The following GRM8 variants were observed in gnomAD, a reference collection of about 807,000 sequenced individuals.
GRM8 encodes the protein glutamate metabotropic receptor 8.
GRM8 carries 47 observed loss-of-function variants against 87.2 expected under a neutral mutation model. The ratio of observed to expected loss-of-function variants is 0.54; its 90% confidence interval spans 0.43 to 0.69. GRM8 has a LOEUF of 0.69. Ranked by LOEUF, GRM8 falls within the 30% of genes least tolerant of loss-of-function variation. The pLI, the probability that GRM8 is intolerant of heterozygous loss-of-function variation, is 0.00. For missense variants in GRM8, 1,019 were observed against 1,139.2 expected (o/e 0.89, Z 1.52); for synonymous variants, 396 against 404.5 (o/e 0.98, Z 0.25).
intron 3 of GRM8, among the ~76,000 whole-genome samples, chr7:126,980,661 C>T (rs1327665665): frequency 6.6e-6 from 1 of 152,160 alleles, no homozygotes; most frequent in African/African-American, 2.4e-5. Flanking sequence ...ACTAGGCATT[C>T]GCCCTTGGAA....
At chr7:126,998,223 A>G (rs1446212727) in intron 3 of GRM8, among the ~76,000 whole-genome samples, 4 of 151,950 alleles carry the variant, frequency 2.6e-5, no homozygotes, top group Admixed American at 2.0e-4. Flanking sequence ...TCTTCTTATG[A>G]TTAAAACCCT....
chr7:126,544,894 A>G (rs1252658333), intron 8 of GRM8, among the ~76,000 whole-genome samples: 1 of 152,176 alleles, frequency 6.6e-6, no homozygotes, highest in Admixed American at 6.5e-5. Context: ...TGGAGAAAAG[A>G]TATCCACGCT....
intron 3 of GRM8, among the ~76,000 whole-genome samples, chr7:126,937,738 C>G (rs1806485694): frequency 6.6e-6 from 1 of 152,214 alleles, no homozygotes; most frequent in Non-Finnish European, 1.5e-5. Context: ...TTTTCCCTTT[C>G]CAAGTAGGGA....
chr7:126,862,825 G>A (rs1159159112), intron 6 of GRM8, among the ~76,000 whole-genome samples: 1 of 151,346 alleles, frequency 6.6e-6, no homozygotes, highest in Non-Finnish European at 1.5e-5. Flanking sequence ...TTCTCATATT[G>A]CCTGTATGTG....
intron 8 of GRM8, among the ~76,000 whole-genome samples, chr7:126,587,917 A>G (rs908714781): frequency 1.3e-5 from 2 of 152,010 alleles, no homozygotes; most frequent in African/African-American, 2.4e-5. Context: ...ATTAAAAAAA[A>G]AAAAAGAAAA....
intron 8 of GRM8, among the ~76,000 whole-genome samples, chr7:126,601,141 C>G (rs1387437802): frequency 6.8e-6 from 1 of 147,828 alleles, no homozygotes; most frequent in Non-Finnish European, 1.5e-5. Flanking sequence ...TCCATGTGAT[C>G]TCATTGTTCA....
In GRM8 at chr7:126,591,964, C is replaced by T. The variant is rs79082621; in HGVS notation, c.1494+17398G>A. Among the ~76,000 whole-genome samples, 651 of 151,566 alleles carry T rather than the reference C, an allele frequency of 4.3e-3. 1 individual carries two copies. The highest frequency in any genetic ancestry group is 6.0e-3 in the Non-Finnish European group (407 of 67,694). ...AGAAACACAAAAGATTGTGAGGGTA[C>T]AATGAACAATTACGTGCAAACAAAT... On this transcript the variant is annotated intron_variant, in intron 8 of 10. Coordinates refer to ENST00000339582, the MANE Select transcript of GRM8 (RefSeq NM_000845.3).
intron 3 of GRM8, among the ~76,000 whole-genome samples, chr7:127,052,547 A>G (rs2132504656): frequency 6.6e-6 from 1 of 152,358 alleles, no homozygotes. Flanking sequence ...GCAGTGTAGG[A>G]TTTAGAAAAT....
At chr7:127,016,717 A>G (rs751480519) in intron 3 of GRM8, among the ~76,000 whole-genome samples, 1 of 152,082 alleles carries the variant, frequency 6.6e-6, no homozygotes, top group Non-Finnish European at 1.5e-5. Flanking sequence ...TGTTCTCTCA[A>G]TTTCTGAAAT....
intron 3 of GRM8, among the ~76,000 whole-genome samples, chr7:126,922,890 C>G (rs1257630510): frequency 6.6e-6 from 1 of 152,224 alleles, no homozygotes; most frequent in Non-Finnish European, 1.5e-5. Flanking sequence ...CCTGTTCCCA[C>G]TTTGCCTTCT....
At chr7:126,683,758 G>A (rs1807872389) in intron 7 of GRM8, among the ~76,000 whole-genome samples, 1 of 152,126 alleles carries the variant, frequency 6.6e-6, no homozygotes. Context: ...GAAATTGATT[G>A]CTTTTGTTGG....
chr7:126,909,738 TCTCATTTACTCAATGACA>T (rs1803096989), intron 3 of GRM8, among the ~76,000 whole-genome samples: 1 of 152,168 alleles, frequency 6.6e-6, no homozygotes, highest in Non-Finnish European at 1.5e-5. Context: ...TCCTTTCCAG[TCTCATTTACTCAATGACA>T]CCATCTCTAT....
chr7:126,471,574 T>C (rs1180310378), intron 9 of GRM8, among the ~76,000 whole-genome samples: 4 of 151,918 alleles, frequency 2.6e-5, no homozygotes, highest in Non-Finnish European at 4.4e-5. Flanking sequence ...ACCAGTACCA[T>C]GCTTCTTTGG....
chr7:127,152,416 G>T (rs2237797), intron 2 of GRM8, among the ~76,000 whole-genome samples: 101,411 of 151,904 alleles, frequency 0.67, 34,853 homozygotes, highest in African/African-American at 0.76. Context: ...GTAGCAAAGT[G>T]AGAAAGAAAT....
chr7:126,695,845 A>G (rs1241277781), intron 7 of GRM8, among the ~76,000 whole-genome samples: 2 of 152,340 alleles, frequency 1.3e-5, no homozygotes, highest in East Asian at 1.9e-4. Context: ...ACATTAGCAC[A>G]AAAGAATAGT....
chr7:127,205,808 T>C (rs1217590553), intron 2 of GRM8, among the ~76,000 whole-genome samples: 1 of 152,212 alleles, frequency 6.6e-6, no homozygotes, highest in African/African-American at 2.4e-5. Flanking sequence ...GACCTTCACC[T>C]TTCTCTTCAC....
At chr7:126,630,842 A>T (rs970543150) in intron 7 of GRM8, among the ~76,000 whole-genome samples, 9 of 152,298 alleles carry the variant, frequency 5.9e-5, no homozygotes, top group African/African-American at 1.9e-4. Flanking sequence ...CTTCATGTTA[A>T]AAACTCTCAA....
At chr7:126,471,606 G>A (rs1805246170) in intron 9 of GRM8, among the ~76,000 whole-genome samples, 3 of 151,836 alleles carry the variant, frequency 2.0e-5, no homozygotes, top group African/African-American at 7.3e-5. Flanking sequence ...TTGTAGTATA[G>A]TTTGAAGTCA....
chr7:126,693,032 G>C (rs985700834), intron 7 of GRM8, among the ~76,000 whole-genome samples: 1 of 152,242 alleles, frequency 6.6e-6, no homozygotes, highest in South Asian at 2.1e-4. Context: ...ACCCTCAATA[G>C]GAAAAAGTTG....
Sources: gnomAD v4.1 joint callset for allele counts (sites outside exome capture counted in the v4.1 genomes callset) on GRCh38, gnomAD v4.1.1 for gene constraint, MANE v1.5 for transcripts, NCBI Gene and HGNC (gene_info 2026-07-23, HGNC 2026-07-21) for gene names.